MGAT4D: variants seen among roughly 807,000 people sequenced by gnomAD.
The protein encoded by MGAT4D is MGAT4 family member D.
A neutral mutation model predicts 15.9 loss-of-function variants in MGAT4D; 34 were observed. The observed-to-expected ratio is 2.14, with a 90% CI of 1.62 to 2.84. MGAT4D has a LOEUF of 2.84. MGAT4D is among the 30% of genes most tolerant of loss of function. The probability of loss-of-function intolerance (pLI) is 0.00; values close to 1 mark genes in which losing one functional copy is unlikely to be tolerated. For missense variants in MGAT4D, 327 were observed against 140.2 expected, an observed-to-expected ratio of 2.33 and a Z score of -6.73; for synonymous variants, 112 against 48.2, an observed-to-expected ratio of 2.33 and a Z score of -5.49.
At position 140,443,148 on chromosome 4, in the gene MGAT4D, G is replaced by GTGAT. The variant is rs1279971392; in HGVS notation, c.*284_*287dup. ...ACTTTTAACTGTTTATTGAGATTATGTGATGGTCTCACTATCGAAGTCAAT... is the reference window on the plus strand; with the variant it reads ...ACTTTTAACTGTTTATTGAGATTATGTGATTGATGGTCTCACTATCGAAGTCAAT... On this transcript the variant is annotated 3_prime_UTR_variant, in exon 11 of 11. Transcript: ENST00000511113. The GTGAT allele has an allele frequency of 2.8e-5, 5 of 178,550 alleles. No homozygotes were observed. The highest frequency in any genetic ancestry group is 1.2e-4 in the African/African-American group (5 of 42,698). 11.1% of individuals were successfully genotyped at this position (178,550 alleles called of 1,614,324 possible).
intron 1 of MGAT4D, among the ~76,000 whole-genome samples, chr4:140,488,060 C>G (rs1470484921): frequency 1.3e-5 from 2 of 152,182 alleles, no homozygotes; most frequent in South Asian, 4.1e-4. Context: ...TTGATACTAC[C>G]ATAGCTCAAG....
intron 10 of MGAT4D, among the ~76,000 whole-genome samples, chr4:140,447,945 T>C (rs1164899519): frequency 6.6e-6 from 1 of 152,208 alleles, no homozygotes; most frequent in African/African-American, 2.4e-5. Flanking sequence ...AAGGATCTTA[T>C]TCCTCCTTTG....
rs1331245778 is a variant in MGAT4D, at chr4:140,461,918, C to CAA, written c.762+9_762+10dup. 4 of 692,016 alleles carry CAA rather than the reference C, an allele frequency of 5.8e-6. No homozygotes were observed. Among genetic ancestry groups the CAA allele is most frequent in the South Asian group, 1.5e-5 (1 of 65,980 alleles). 42.9% of individuals were successfully genotyped at this position (692,016 alleles called of 1,614,324 possible). ...ACACACACACACACACACACACACA[C>CAA]AATTTCTGACCTGTAAATAATACTT... On this transcript the variant is annotated intron_variant, in intron 7 of 10. Coordinates refer to ENST00000511113, the MANE Select transcript of MGAT4D (RefSeq NM_001277353.2).
intron 10 of MGAT4D, among the ~76,000 whole-genome samples, chr4:140,451,004 C>T (rs1897280): frequency 0.69 from 105,152 of 152,090 alleles, 37,726 homozygotes; most frequent in Non-Finnish European, 0.8. Context: ...TCTGGCAAAA[C>T]GAACAGTGGT....
intron 5 of MGAT4D, among the ~76,000 whole-genome samples, chr4:140,465,338 A>T (rs1731463023): frequency 6.6e-6 from 1 of 152,244 alleles, no homozygotes; most frequent in Non-Finnish European, 1.5e-5. Flanking sequence ...GACTGCAAGA[A>T]AGCAAGAATA....
At chr4:140,492,752 A>G (rs1733587683) in intron 1 of MGAT4D, among the ~76,000 whole-genome samples, 1 of 152,220 alleles carries the variant, frequency 6.6e-6, no homozygotes, top group African/African-American at 2.4e-5. Flanking sequence ...AAAGGAAAAG[A>G]AAGTTTCAAG....
chr4:140,460,573 C>T (rs1028138465), intron 7 of MGAT4D, among the ~76,000 whole-genome samples: 2 of 152,290 alleles, frequency 1.3e-5, no homozygotes, highest in African/African-American at 4.8e-5. Context: ...CCGTGGCTCA[C>T]GCCTATAGTC....
chr4:140,450,199 TGGTGTGA>T (rs917461922), intron 10 of MGAT4D: 94 of 266,780 alleles, frequency 3.5e-4, no homozygotes, highest in African/African-American at 1.8e-3. Context: ...CTATTTTGTG[TGGTGTGA>T]GGTATCAAAA....
intron 4 of MGAT4D, among the ~76,000 whole-genome samples, chr4:140,473,464 G>C (rs967984151): frequency 3.3e-5 from 5 of 151,980 alleles, no homozygotes; most frequent in Admixed American, 2.0e-4. Context: ...ATCACTCTAA[G>C]TACTTTAAAT....
intron 1 of MGAT4D, among the ~76,000 whole-genome samples, chr4:140,482,894 C>T (rs2321268): frequency 0.12 from 18,306 of 151,990 alleles, 1,186 homozygotes; most frequent in Admixed American, 0.19. Context: ...GGAATATGTA[C>T]ACAGATTTGG....
intron 9 of MGAT4D, among the ~76,000 whole-genome samples, chr4:140,455,900 G>T (rs1365791203): frequency 6.6e-6 from 1 of 152,110 alleles, no homozygotes; most frequent in Non-Finnish European, 1.5e-5. Flanking sequence ...ACTTTTGGAG[G>T]GCAACGTGGG....
At chr4:140,446,743 G>GTTTTTTTTT (rs149442061) in intron 10 of MGAT4D, among the ~76,000 whole-genome samples, 1 of 8,170 alleles carries the variant, frequency 1.2e-4, no homozygotes, top group Non-Finnish European at 2.2e-4. Flanking sequence ...TGCTTCTCTA[G>GTTTTTTTTT]TTTTTTTTTT....
intron 5 of MGAT4D, among the ~76,000 whole-genome samples, chr4:140,471,227 TTTCCTTCCTTCCTTCCTTCC>T (rs200186471): frequency 0.11 from 14,361 of 133,758 alleles, 782 homozygotes; most frequent in East Asian, 0.17. Context: ...CTCCTTTTTG[TTTCCTTCCTTCCTTCCTTCC>T]TTCCTTCCTT....
At position 140,486,273 on chromosome 4, in the gene MGAT4D, T is replaced by TGC. The variant is rs1553956588; in HGVS notation, c.95-3789_95-3788insGC. On this transcript the variant is annotated intron_variant, in intron 1 of 10. Transcript: ENST00000511113. ...TGTGGCAGAAGGTCCCTAATTTCAT[T>TGC]GTTTTCTGCTAAGACATTACCACCT... is the stretch of plus-strand genomic sequence containing the variant. Among the ~76,000 whole-genome samples the TGC allele has an allele frequency of 1.8e-4, 27 of 152,024 alleles. No individual in the cohort carries two copies. In the East Asian group the frequency reaches 5.2e-3, roughly 30 times the overall value.
intron 8 of MGAT4D, 39 bp downstream of exon 8, chr4:140,459,473 C>A: frequency 4.8e-6 from 2 of 416,130 alleles, no homozygotes; most frequent in East Asian, 3.6e-5. Flanking sequence ...TTATTGTGTG[C>A]TAAAAAACTT....
chr4:140,461,902 C>CACACAT (rs1397477956), intron 7 of MGAT4D, 27 bp downstream of exon 7: 5 of 691,382 alleles, frequency 7.2e-6, no homozygotes, highest in Non-Finnish European at 1.3e-5. Context: ...CACACACACA[C>CACACAT]ACACACACAC....
intron 2 of MGAT4D, 116 bp from the exon 3 acceptor site, chr4:140,479,743 T>C (rs1560791416): frequency 1.2e-5 from 4 of 324,238 alleles, no homozygotes; most frequent in Non-Finnish European, 1.1e-5. Flanking sequence ...ATTTAATATA[T>C]AAAAGAAATA....
chr4:140,480,743 ACACAC>A, intron 2 of MGAT4D, among the ~76,000 whole-genome samples: 1 of 97,688 alleles, frequency 1.0e-5, no homozygotes, highest in Non-Finnish European at 2.1e-5. Context: ...ACACACACAC[ACACAC>A]ACACACACAC....
intron 1 of MGAT4D, 44 bp downstream of exon 1, chr4:140,498,084 GC>G: frequency 5.8e-6 from 4 of 693,960 alleles, no homozygotes; most frequent in South Asian, 3.0e-5. Context: ...CAGCCCCGAA[GC>G]CCCCGCGGCG....
Sources: gnomAD v4.1 joint callset for allele counts (sites outside exome capture counted in the v4.1 genomes callset) on GRCh38, gnomAD v4.1.1 for gene constraint, MANE v1.5 for transcripts, NCBI Gene and HGNC (gene_info 2026-07-23, HGNC 2026-07-21) for gene names.